Variants in FMN2 observed in about 807,000 individuals in gnomAD.
The protein encoded by FMN2 is formin-2.
A neutral mutation model predicts 142.3 loss-of-function variants in FMN2; 51 were observed. The observed-to-expected ratio is 0.36, with a 90% confidence interval of 0.29 to 0.45. The LOEUF (loss-of-function observed/expected upper bound fraction) is 0.45. FMN2 is among the 20% of genes least tolerant of loss of function. The pLI is 1.00. For missense variants in FMN2, 1,936 were observed against 2,122.8 expected, an observed-to-expected ratio of 0.91 and a Z score of 1.73; for synonymous variants, 882 against 869.8, an observed-to-expected ratio of 1.01 and a Z score of -0.25.
At chr1:240,348,498 C>A (rs1354093888) in intron 13 of FMN2, among the ~76,000 whole-genome samples, 1 of 150,804 alleles carries the variant, frequency 6.6e-6, no homozygotes, top group Non-Finnish European at 1.5e-5. Context: ...TCTGGGATTA[C>A]AGGCATGAGC....
chr1:240,467,330 A>AATGGC, intron 16 of FMN2, among the ~76,000 whole-genome samples: 1 of 150,514 alleles, frequency 6.6e-6, no homozygotes, highest in Non-Finnish European at 1.5e-5. Context: ...GCTGGAGTGC[A>AATGGC]ATGGCATGAT....
chr1:240,446,344 G>C (rs762381126), intron 16 of FMN2, among the ~76,000 whole-genome samples: 2 of 152,142 alleles, frequency 1.3e-5, no homozygotes, highest in Admixed American at 1.3e-4. Flanking sequence ...AACGTGGCTT[G>C]TCCAAAGATG....
intron 6 of FMN2, among the ~76,000 whole-genome samples, chr1:240,222,014 A>ATTTTTT (rs71170722): frequency 3.1e-5 from 4 of 129,742 alleles, no homozygotes; most frequent in Non-Finnish European, 1.6e-5. Flanking sequence ...CACCCAGCTA[A>ATTTTTT]TTTTTTTTTT....
chr1:240,377,539 G>T (rs1233419414), intron 14 of FMN2, among the ~76,000 whole-genome samples: 1 of 152,054 alleles, frequency 6.6e-6, no homozygotes. Flanking sequence ...GTATCTAGGG[G>T]ATACATTTCT....
At chr1:240,391,097 A>G (rs1340517303) in intron 14 of FMN2, among the ~76,000 whole-genome samples, 3 of 152,330 alleles carry the variant, frequency 2.0e-5, no homozygotes, top group South Asian at 4.1e-4. Flanking sequence ...AGCCTTTTCA[A>G]AGTAAAATCA....
intron 1 of FMN2, among the ~76,000 whole-genome samples, chr1:240,107,666 T>A (rs371958985): frequency 6.6e-6 from 1 of 152,162 alleles, no homozygotes; most frequent in African/African-American, 2.4e-5. Context: ...CTTCATTAGA[T>A]TTATTAGATT....
intron 8 of FMN2, among the ~76,000 whole-genome samples, chr1:240,323,749 G>C (rs1464758416): frequency 6.6e-6 from 1 of 151,932 alleles, no homozygotes; most frequent in Non-Finnish European, 1.5e-5. Context: ...ATCTCTGCTG[G>C]CTTCTCCTCA....
At position 240,330,734 on chromosome 1, in the gene FMN2, A is replaced by G; in HGVS notation, c.4569A>G (p.Lys1523=). 2 of 1,613,942 alleles carry G rather than the reference A, an allele frequency of 1.2e-6. No homozygotes were observed. The highest frequency in any genetic ancestry group is 1.7e-6 in the Non-Finnish European group (2 of 1,179,870). The change falls in exon 11 of 18, where the codon AAA becomes AAG. Residue 1523 remains lysine, a synonymous_variant. Coordinates refer to ENST00000319653, the MANE Select transcript of FMN2 (RefSeq NM_020066.5). ...GFGLDILPKL[K]DVKSSDNSRS... is the part of the protein sequence containing the mutation. Reference sequence around the variant, plus strand: ...GATTAGACATTCTTCCAAAACTGAAAGATGTCAAGAGCAGTGTAAGTATTT... The same window carrying G: ...GATTAGACATTCTTCCAAAACTGAAGGATGTCAAGAGCAGTGTAAGTATTT...
At chr1:240,376,526 G>A (rs944977900) in intron 14 of FMN2, among the ~76,000 whole-genome samples, 2 of 151,966 alleles carry the variant, frequency 1.3e-5, no homozygotes, top group Non-Finnish European at 2.9e-5. Flanking sequence ...AAAAAGGGAT[G>A]TTCGTACCTA....
intron 6 of FMN2, among the ~76,000 whole-genome samples, chr1:240,246,651 C>G (rs1019566756): frequency 1.3e-5 from 2 of 152,106 alleles, no homozygotes; most frequent in African/African-American, 4.8e-5. Context: ...GGATCAGAAT[C>G]TGCATTTTAA....
intron 11 of FMN2, among the ~76,000 whole-genome samples, chr1:240,331,603 G>A (rs575961873): frequency 6.6e-6 from 1 of 152,056 alleles, no homozygotes; most frequent in Non-Finnish European, 1.5e-5. Flanking sequence ...TCCTTCATGG[G>A]GGAGAGAGAG....
intron 2 of FMN2, among the ~76,000 whole-genome samples, chr1:240,161,285 A>G (rs1192400967): frequency 6.6e-6 from 1 of 152,146 alleles, no homozygotes; most frequent in Non-Finnish European, 1.5e-5. Flanking sequence ...TAAAAAAATC[A>G]AAGTGGGAGG....
chr1:240,401,600 ATT>A (rs1372796691), intron 15 of FMN2, among the ~76,000 whole-genome samples: 3 of 152,184 alleles, frequency 2.0e-5, no homozygotes, highest in African/African-American at 7.2e-5. Flanking sequence ...TTGGTGACAA[ATT>A]TTTGTGCTTG....
chr1:240,306,200 G>T (rs539618771), intron 8 of FMN2, among the ~76,000 whole-genome samples: 1 of 151,998 alleles, frequency 6.6e-6, no homozygotes, highest in East Asian at 1.9e-4. Flanking sequence ...CACCCACCTC[G>T]GCTTCCCAAA....
chr1:240,106,488 A>T (rs1476672465), intron 1 of FMN2, among the ~76,000 whole-genome samples: 1 of 152,116 alleles, frequency 6.6e-6, no homozygotes, highest in East Asian at 1.9e-4. Flanking sequence ...TCCCTTATGT[A>T]TTATTGGATT....
chr1:240,381,062 A>G (rs762403403), intron 14 of FMN2, among the ~76,000 whole-genome samples: 2 of 152,196 alleles, frequency 1.3e-5, no homozygotes. Context: ...AGACAGATGA[A>G]CAGCCAAATT....
chr1:240,244,747 T>A (rs1375557633), intron 6 of FMN2, among the ~76,000 whole-genome samples: 1 of 152,014 alleles, frequency 6.6e-6, no homozygotes, highest in African/African-American at 2.4e-5. Context: ...TCCAGGGCCC[T>A]ACTCTAGAGA....
At chr1:240,416,754 CTCTT>C (rs1307892319) in intron 15 of FMN2, among the ~76,000 whole-genome samples, 2 of 104,202 alleles carry the variant, frequency 1.9e-5, no homozygotes, top group African/African-American at 3.3e-5. Flanking sequence ...GATTATCTCT[CTCTT>C]CTTTTTTTTT....
intron 6 of FMN2, among the ~76,000 whole-genome samples, chr1:240,228,338 AGAAAAAGAAAAAGAAAG>A (rs200210614): frequency 0.26 from 32,719 of 124,106 alleles, 5,651 homozygotes; most frequent in African/African-American, 0.43. Context: ...AAAAAGAAAA[AGAAAAAGAAAAAGAAAG>A]AAAAAAAATG....
Sources: gnomAD v4.1 joint callset for allele counts (sites outside exome capture counted in the v4.1 genomes callset) on GRCh38, gnomAD v4.1.1 for gene constraint, MANE v1.5 for transcripts, NCBI Gene and HGNC (gene_info 2026-07-23, HGNC 2026-07-21) for gene names.